DNAJB2: variants seen among roughly 807,000 people sequenced by gnomAD.
The protein encoded by DNAJB2 is DnaJ heat shock protein family (Hsp40) member B2.
In DNAJB2, 19 loss-of-function variants were observed where a neutral mutation model predicts 33.3. The ratio of observed to expected loss-of-function variants is 0.57; its 90% CI spans 0.40 to 0.84. The LOEUF (loss-of-function observed/expected upper bound fraction) is 0.84. DNAJB2 is among the 40% of genes least tolerant of loss of function. The pLI is 0.00. For synonymous variants in DNAJB2, 172 were observed against 164.6 expected (o/e 1.04, Z -0.34); for missense variants, 368 against 430.9 (o/e 0.85, Z 1.29).
chr2:219,282,994 G>A (rs1055584387), intron 6 of DNAJB2, 65 bp downstream of exon 6: 31 of 1,563,384 alleles, frequency 2.0e-5, no homozygotes, highest in Non-Finnish European at 2.6e-5. Context: ...TGAGCTTGTT[G>A]CTTTTCCAAG....
chr2:219,283,022 GAGCCCTGCCTCCAGC>G lies in DNAJB2; in HGVS notation c.445+102_446-88del, dbSNP rs1250752774. The G allele has an allele frequency of 4.4e-6, 7 of 1,575,296 alleles. No homozygotes were observed. In the Admixed American group the frequency reaches 1.2e-4, roughly 27 times the overall value. On this transcript the variant is annotated intron_variant, in intron 6 of 8. Coordinates refer to ENST00000336576, the MANE Select transcript of DNAJB2 (RefSeq NM_006736.6). ...TTTCCAAGCCTGTCTCCTGTGTTGG[GAGCCCTGCCTCCAGC>G]AGCCCTGCGAGGCGGCCTGGAGCCT...
chr2:219,282,150 TGA>T lies in DNAJB2; in HGVS notation c.352+93_352+94del, dbSNP rs771427310. 24 of 1,608,172 alleles carry T rather than the reference TGA, an allele frequency of 1.5e-5. No homozygotes were observed. The African/African-American group carries it at 2.8e-4, about 19-fold the overall frequency. On this transcript the variant is annotated intron_variant, in intron 5 of 8. Coordinates refer to ENST00000336576, the MANE Select transcript of DNAJB2 (RefSeq NM_006736.6). ...GCTGGGAGGCCCTGAGGTGGAAGGC[TGA>T]GAGGGGACGGGAATGCCACGGACAG...
Position 219,286,342 on chromosome 2 carries a change from G to A in DNAJB2, c.*1355G>A, listed in dbSNP as rs1951956505. ...CGGCTTGTCACTCGCTGTGAGATGG[G>A]GAGATTTTGTCTTTTGATTTATCCC... On this transcript the variant is annotated 3_prime_UTR_variant, in exon 9 of 9. Transcript: ENST00000336576. 3.3e-6 allele frequency: 1 copy of A among 305,264 alleles called. No homozygotes were observed. Among genetic ancestry groups the A allele is most frequent in the Non-Finnish European group, 6.3e-6 (1 of 159,170 alleles). 18.9% of individuals were successfully genotyped at this position (305,264 alleles called of 1,614,324 possible). A position where few individuals can be genotyped will look rare whatever the true frequency, so the allele number is the denominator to read the frequency against.
In DNAJB2 at chr2:219,284,687, G is replaced by A. The variant is rs61758420; in HGVS notation, c.675G>A (p.Pro225=). The change falls in exon 9 of 9, where the codon CCG becomes CCA. Residue 225 remains proline, a synonymous_variant. Transcript: ENST00000336576. ...AGCTGAGCCGTCGCGAGCAGCAGCCGTCAGTCACTTCCAGGTCTGGGGGCA... is the reference window on the plus strand; with the variant it reads ...AGCTGAGCCGTCGCGAGCAGCAGCCATCAGTCACTTCCAGGTCTGGGGGCA... ...GLELSRREQQ[P]SVTSRSGGTQ... The A allele has an allele frequency of 7.4e-5, 119 of 1,609,840 alleles. No homozygotes were observed. Among genetic ancestry groups the A allele is most frequent in the Non-Finnish European group, 8.7e-5 (102 of 1,177,444 alleles).
rs371501438 is a variant in DNAJB2 at position 219,281,914 on chromosome 2, C to T, written c.230-25C>T. 3.9e-5 allele frequency: 63 copies of T among 1,613,164 alleles called. No homozygotes were observed. The African/African-American group carries it at 7.1e-4, about 18-fold the overall frequency. On this transcript the variant is annotated intron_variant, in intron 4 of 8. Coordinates refer to ENST00000336576, the MANE Select transcript of DNAJB2 (RefSeq NM_006736.6). ...CTCAGGGCAGGATGCATGCCCTAAG[C>T]TCTCTCCTCATCCTGCCTTTCCAGG... is the stretch of plus-strand genomic sequence containing the variant.
Position 219,279,726 on chromosome 2 carries a change from C to A in DNAJB2, c.-36-72C>A. 1.5e-6 allele frequency: 2 copies of A among 1,305,778 alleles called. No homozygotes were observed. The highest frequency in any genetic ancestry group is 2.1e-6 in the Non-Finnish European group (2 of 938,930). The allele number at this position is 1,305,778 out of a possible 1,614,324, so 80.9% of individuals were successfully genotyped here. A position where few individuals can be genotyped will look rare whatever the true frequency, so the allele number is the denominator to read the frequency against. ...CCAACTGGGAGCGCCTTCCGCCACC[C>A]GGGGAGGGGGACTGCTGCAGCCACA... On this transcript the variant is annotated intron_variant, in intron 1 of 8. Coordinates refer to ENST00000336576, the MANE Select transcript of DNAJB2 (RefSeq NM_006736.6). This position sits in a 1 kb window ranked among gnomAD's most constrained non-coding sequence, Gnocchi z 4.9.
chr2:219,280,500 A>G, intron 2 of DNAJB2, 78 bp from the exon 3 acceptor site: 1 of 1,178,336 alleles, frequency 8.5e-7, no homozygotes, highest in Admixed American at 1.9e-5. Context: ...GCTAATGGGA[A>G]AACAGGTCGT....
At chr2:219,282,116 C>G in intron 5 of DNAJB2, 55 bp downstream of exon 5, 1 of 1,613,730 alleles carries the variant, frequency 6.2e-7, no homozygotes, top group Non-Finnish European at 8.5e-7. Context: ...CAGGCCTGTC[C>G]TTCCATCAGC....
At chr2:219,280,192 T>C in intron 2 of DNAJB2, 5 of 509,540 alleles carry the variant, frequency 9.8e-6, no homozygotes, top group South Asian at 2.4e-5. Context: ...CCCTCCCCCT[T>C]CCCCCTAGAT....
At position 219,284,634 on chromosome 2, in the gene DNAJB2, G is replaced by A. The variant is rs752078357; in HGVS notation, c.622G>A (p.Val208Ile). ...GQLKSVTING[V>I]PDDLALGLEL... ...CATGGTGGCTGTGACTCTTGCAGGT[G>A]TCCCAGATGACCTGGCACTGGGCTT... Residue 208 changes from valine (V) to isoleucine (I), a missense_variant and splice_region_variant, in exon 9 of 9, where the codon GTC (valine) becomes ATC (isoleucine). Transcript: ENST00000336576. 1.5e-5 allele frequency: 23 copies of A among 1,582,048 alleles called. No homozygotes were observed. The East Asian group carries it at 4.7e-4, about 33-fold the overall frequency.
At position 219,279,688 on chromosome 2, in the gene DNAJB2, G is replaced by C. The variant is rs908197; in HGVS notation, c.-36-110G>C. 153,111 of 793,828 alleles carry C rather than the reference G, an allele frequency of 0.19. 17,047 individuals carry two copies. The highest frequency in any genetic ancestry group is 0.4 in the African/African-American group (23,254 of 58,276). The allele number at this position is 793,828 out of a possible 1,614,324, so 49.2% of individuals were successfully genotyped here. A position where few individuals can be genotyped will look rare whatever the true frequency, so the allele number is the denominator to read the frequency against. On this transcript the variant is annotated intron_variant, in intron 1 of 8. Transcript: ENST00000336576. This position sits in a 1 kb window ranked among gnomAD's most constrained non-coding sequence, Gnocchi z 4.9. ...AGTCACCGGCCGCAAGCAGAGCCCG[G>C]TGTGCTCCGCTTCCAACTGGGAGCG...
At chr2:219,280,289 C>T (rs777946232) in intron 2 of DNAJB2, 17 of 535,556 alleles carry the variant, frequency 3.2e-5, no homozygotes, top group Non-Finnish European at 5.7e-5. Flanking sequence ...CTCTTCGAGG[C>T]CACATGTGCC....
Position 219,286,101 on chromosome 2 carries a change from G to A in DNAJB2, c.*1114G>A. 1 of 1,110,800 alleles carries A rather than the reference G, an allele frequency of 9.0e-7. No individual in the cohort carries two copies. The highest frequency in any genetic ancestry group is 2.4e-5 in the Admixed American group (1 of 41,662). 68.8% of individuals were successfully genotyped at this position (1,110,800 alleles called of 1,614,324 possible). On this transcript the variant is annotated 3_prime_UTR_variant, in exon 9 of 9. Transcript: ENST00000336576. ...CATTTCTCCCCCTCACCCATGCTGAGTGTAGAGCCGGGGCCTGGGTGGCGG... is the reference window on the plus strand; with the variant it reads ...CATTTCTCCCCCTCACCCATGCTGAATGTAGAGCCGGGGCCTGGGTGGCGG...
chr2:219,282,181 A>G (rs1559286315), intron 5 of DNAJB2, 120 bp downstream of exon 5: 2 of 1,559,226 alleles, frequency 1.3e-6, no homozygotes, highest in African/African-American at 1.4e-5. Context: ...CGGACAGAAG[A>G]TTTTGTGGAG....
rs746642687 is a variant in DNAJB2 at position 219,282,964 on chromosome 2, G to A, written c.445+35G>A. On this transcript the variant is annotated intron_variant, in intron 6 of 8. Transcript: ENST00000336576. Reference sequence around the variant, plus strand: ...GCCCCTTCCCACGTTTGCAAGCTCCGATTCCTGGAACCCCTGGCTTGAGCT... The same window carrying A: ...GCCCCTTCCCACGTTTGCAAGCTCCAATTCCTGGAACCCCTGGCTTGAGCT... The A allele has an allele frequency of 5.1e-6, 8 of 1,564,712 alleles. No individual in the cohort carries two copies. In the South Asian group the frequency reaches 6.0e-5, roughly 12 times the overall value.
In DNAJB2 at chr2:219,283,178, T is replaced by G. The variant is rs201363015; in HGVS notation, c.491T>G (p.Phe164Cys). The G allele has an allele frequency of 3.1e-6, 5 of 1,614,124 alleles. No homozygotes were observed. Among genetic ancestry groups the G allele is most frequent in the Non-Finnish European group, 4.2e-6 (5 of 1,180,046 alleles). The change falls in exon 7 of 9, where the codon TTT becomes TGT. Residue 164 changes from phenylalanine to cysteine, a missense_variant. Transcript: ENST00000336576. The part of the protein sequence containing the change: ...SFSFSPGAGA[F>C]RSVSTSTTFV... Reference sequence around the variant, plus strand: ...TCCTTCAGTCCTGGGGCTGGTGCTTTTCGCTCTGTTTCTACATCTACCACC... The same window carrying G: ...TCCTTCAGTCCTGGGGCTGGTGCTTGTCGCTCTGTTTCTACATCTACCACC...
intron 4 of DNAJB2, 74 bp downstream of exon 4, chr2:219,281,845 A>AG: frequency 1.2e-6 from 2 of 1,611,536 alleles, no homozygotes; most frequent in Non-Finnish European, 1.7e-6. Flanking sequence ...CTTGCAATGG[A>AG]GGCTCTCTCA....
At chr2:219,280,836 C>T in intron 3 of DNAJB2, 149 bp downstream of exon 3, 1 of 632,644 alleles carries the variant, frequency 1.6e-6, no homozygotes, top group Non-Finnish European at 2.8e-6. Flanking sequence ...ACAGGGACAG[C>T]TCAGTGTCTG....
chr2:219,285,596 C>T lies in DNAJB2; in HGVS notation c.*609C>T, dbSNP rs1182565559. On this transcript the variant is annotated 3_prime_UTR_variant, in exon 9 of 9. Transcript: ENST00000336576. Reference sequence around the variant, plus strand: ...TCTGGCTAGGACTCCCTTCTTCCTTCCTTCCCCGAGAAGGCCTCAATGTGG... The same window carrying T: ...TCTGGCTAGGACTCCCTTCTTCCTTTCTTCCCCGAGAAGGCCTCAATGTGG... 4.7e-6 allele frequency: 5 copies of T among 1,065,544 alleles called. No homozygotes were observed. Among genetic ancestry groups the T allele is most frequent in the Non-Finnish European group, 5.7e-6 (5 of 880,700 alleles). 66.0% of individuals were successfully genotyped at this position (1,065,544 alleles called of 1,614,324 possible).
Sources: gnomAD v4.1 joint callset for allele counts on GRCh38, gnomAD v4.1.1 for gene constraint, Gnocchi (gnomAD v3.1) non-coding constraint, MANE v1.5 for transcripts, NCBI Gene and HGNC (gene_info 2026-07-23, HGNC 2026-07-21) for gene names.